The following CNNM4 variants were observed in gnomAD, a reference collection of about 807,000 sequenced individuals.
The protein encoded by CNNM4 is metal transporter CNNM4.
Under a neutral mutation model 53.7 loss-of-function variants are expected in CNNM4, and 32 were observed. The observed-to-expected ratio is 0.60, with a 90% CI of 0.45 to 0.80. The LOEUF (loss-of-function observed/expected upper bound fraction) is 0.80, where lower values mean the gene tolerates loss of function less well. Among genes scored for constraint, CNNM4 ranks in the 30% least tolerant of loss-of-function variants. The pLI is 0.00. For synonymous variants in CNNM4, 410 were observed against 440.0 expected, an observed-to-expected ratio of 0.93 and a Z score of 0.85; for missense variants, 784 against 1,022.0, an observed-to-expected ratio of 0.77 and a Z score of 3.17.
Position 96,799,048 on chromosome 2 carries a change from C to T in CNNM4, c.1682-9C>T, listed in dbSNP as rs752277395. On this transcript the variant is annotated splice_polypyrimidine_tract_variant and intron_variant, in intron 3 of 6. Transcript: ENST00000377075. The stretch of plus-strand genomic sequence containing the variant: ...CCCCGTGTGAGGTCTCTTCTCTCTC[C>T]TCCTACAGAGGTCTCTCAGTTTAGC... 2 of 1,613,748 alleles carry T rather than the reference C, an allele frequency of 1.2e-6. No homozygotes were observed. The highest frequency in any genetic ancestry group is 1.7e-5 in the Admixed American group (1 of 60,008).
chr2:96,786,845 G>A (rs947815823), intron 1 of CNNM4, among the ~76,000 whole-genome samples: 1 of 148,144 alleles, frequency 6.8e-6, no homozygotes, highest in East Asian at 2.0e-4. Flanking sequence ...ATATTTTGGT[G>A]TATTTTCTTC....
In CNNM4 at chr2:96,761,905, C is replaced by T. The variant is rs1205707767; in HGVS notation, c.906C>T (p.Thr302=). The part of the protein sequence containing the change: ...SRHGLAVGAN[T]ILLTKFFMLL... ...ATGGGCTGGCTGTGGGTGCCAACAC[C>T]ATCCTTCTCACCAAATTCTTTATGC... The change falls in exon 1 of 7, where the codon ACC becomes ACT. Residue 302 remains threonine, a synonymous_variant. Coordinates refer to ENST00000377075, the MANE Select transcript of CNNM4 (RefSeq NM_020184.4). The surrounding 1 kb of genome is among the most constrained non-coding windows in gnomAD (Gnocchi z 6.0). The T allele has an allele frequency of 3.1e-6, 5 of 1,614,186 alleles. No homozygotes were observed. The highest frequency in any genetic ancestry group is 4.2e-6 in the Non-Finnish European group (5 of 1,180,038).
Position 96,762,225 on chromosome 2 carries a change from C to T in CNNM4, c.1226C>T (p.Pro409Leu). Reference sequence around the variant, plus strand: ...ATGGAAAGCGGCTATACTCGCATCCCGGTGTTCGAAGACGAGCAGTCCAAT... The same window carrying T: ...ATGGAAAGCGGCTATACTCGCATCCTGGTGTTCGAAGACGAGCAGTCCAAT... ...EIMESGYTRIPVFEDEQSNIV... is the reference protein window; with the variant it reads ...EIMESGYTRILVFEDEQSNIV... The change falls in exon 1 of 7, where the codon CCG (proline) becomes CTG (leucine). Residue 409 changes from proline to leucine, a missense_variant. By Grantham distance (98) the Pro-to-Leu change is moderately conservative. Coordinates refer to ENST00000377075, the MANE Select transcript of CNNM4 (RefSeq NM_020184.4). 1 of 1,614,136 alleles carries T rather than the reference C, an allele frequency of 6.2e-7. No homozygotes were observed. Among genetic ancestry groups the T allele is most frequent in the Non-Finnish European group, 8.5e-7 (1 of 1,180,044 alleles).
intron 1 of CNNM4, among the ~76,000 whole-genome samples, chr2:96,772,320 G>C (rs983608136): frequency 8.2e-6 from 1 of 122,158 alleles, no homozygotes; most frequent in Admixed American, 9.4e-5. Flanking sequence ...ACTCCCACCC[G>C]TGCGCACACA....
chr2:96,779,619 T>G (rs2078956098), intron 1 of CNNM4, among the ~76,000 whole-genome samples: 1 of 152,086 alleles, frequency 6.6e-6, no homozygotes, highest in African/African-American at 2.4e-5. Context: ...ACTCTTAGAT[T>G]TAATTGATCT....
intron 1 of CNNM4, among the ~76,000 whole-genome samples, chr2:96,796,802 C>T (rs565728568): frequency 5.6e-4 from 86 of 152,254 alleles, no homozygotes; most frequent in African/African-American, 2.0e-3. Context: ...TGGTCCTTAA[C>T]GACATGCTTT....
chr2:96,769,249 T>C (rs1484162515), intron 1 of CNNM4, among the ~76,000 whole-genome samples: 1 of 149,438 alleles, frequency 6.7e-6, no homozygotes, highest in African/African-American at 2.5e-5. Context: ...AGACTCCGTC[T>C]CAATAAAAAA....
chr2:96,761,884 G>T lies in CNNM4; in HGVS notation c.885G>T (p.Gly295=). Residue 295 remains glycine (G), a synonymous_variant, in exon 1 of 7, where the codon GGG becomes GGT. Coordinates refer to ENST00000377075, the MANE Select transcript of CNNM4 (RefSeq NM_020184.4). This position sits in a 1 kb window ranked among gnomAD's most constrained non-coding sequence, Gnocchi z 6.0. ...ILPQALCSRH[G]LAVGANTILL... ...CTCAGGCCCTGTGCTCCCGACATGG[G>T]CTGGCTGTGGGTGCCAACACCATCC... is the stretch of plus-strand genomic sequence containing the variant. 6.2e-7 allele frequency: 1 copy of T among 1,614,200 alleles called. No homozygotes were observed. The highest frequency in any genetic ancestry group is 2.2e-5 in the East Asian group (1 of 44,876).
chr2:96,806,781 G>C (rs1196281991), intron 5 of CNNM4, among the ~76,000 whole-genome samples: 5 of 152,044 alleles, frequency 3.3e-5, no homozygotes, highest in African/African-American at 9.7e-5. Context: ...ATGATATACA[G>C]TAACGTATAT....
rs2078958261 is a variant in CNNM4 at position 96,779,842 on chromosome 2, C to T, written c.1403-17170C>T. On this transcript the variant is annotated intron_variant, in intron 1 of 6. Transcript: ENST00000377075. ...TTTTTTAGACGGAGTCTCACTTTGT[C>T]TCCAGGCCGGAGTGCAGTGGTGTGA... Among the ~76,000 whole-genome samples, 3 of 150,692 alleles carry T rather than the reference C, an allele frequency of 2.0e-5. No homozygotes were observed. The South Asian group carries it at 6.3e-4, about 32-fold the overall frequency.
Position 96,797,361 on chromosome 2 carries a change from T to C in CNNM4, c.1547-152T>C. The C allele has an allele frequency of 7.4e-7, 1 of 1,359,176 alleles. No homozygotes were observed. The highest frequency in any genetic ancestry group is 1.0e-6 in the Non-Finnish European group (1 of 964,444). 84.2% of individuals were successfully genotyped at this position (1,359,176 alleles called of 1,614,324 possible). A position where few individuals can be genotyped will look rare whatever the true frequency, so the allele number is the denominator to read the frequency against. On this transcript the variant is annotated intron_variant, in intron 2 of 6. Transcript: ENST00000377075. This position sits in a 1 kb window ranked among gnomAD's most constrained non-coding sequence, Gnocchi z 6.0. The stretch of plus-strand genomic sequence containing the variant: ...AGGCTGCCTTCACCCTCGGCCTTTG[T>C]GCCTCGGCGTCAGCCCAGGACCCTG...
chr2:96,806,395 A>G (rs1156548530), intron 5 of CNNM4, among the ~76,000 whole-genome samples: 1 of 151,174 alleles, frequency 6.6e-6, no homozygotes, highest in Non-Finnish European at 1.5e-5. Context: ...ATTAATGATT[A>G]TCCTCAGTTC....
intron 1 of CNNM4, among the ~76,000 whole-genome samples, chr2:96,768,108 A>AT (rs2078834695): frequency 6.6e-6 from 1 of 152,086 alleles, no homozygotes; most frequent in South Asian, 2.1e-4. Flanking sequence ...AAACACCCAT[A>AT]TTTTCATCTA....
At chr2:96,781,853 C>A (rs1039328592) in intron 1 of CNNM4, among the ~76,000 whole-genome samples, 1 of 152,118 alleles carries the variant, frequency 6.6e-6, no homozygotes, top group Non-Finnish European at 1.5e-5. Context: ...CAAAGTTGAT[C>A]ATTTTGTATG....
intron 1 of CNNM4, among the ~76,000 whole-genome samples, chr2:96,778,862 C>G (rs1406409615): frequency 6.6e-6 from 1 of 152,118 alleles, no homozygotes; most frequent in African/African-American, 2.4e-5. Context: ...TGACAAAAAC[C>G]ATATATATTT....
chr2:96,765,169 C>A (rs1331796750), intron 1 of CNNM4, among the ~76,000 whole-genome samples: 1 of 148,674 alleles, frequency 6.7e-6, no homozygotes, highest in South Asian at 2.2e-4. Context: ...TCTTGTTGTC[C>A]AGGCTGGAGT....
chr2:96,787,931 G>T (rs2079028817), intron 1 of CNNM4, among the ~76,000 whole-genome samples: 1 of 152,140 alleles, frequency 6.6e-6, no homozygotes. Context: ...TGTTTTGTTT[G>T]CTTGTTTTTG....
Position 96,801,787 on chromosome 2 carries a change from C to T in CNNM4, c.1948+2139C>T, listed in dbSNP as rs1430871281. 6.6e-6 allele frequency among the ~76,000 whole-genome samples: 1 copy of T among 151,464 alleles called. No homozygotes were observed. The highest frequency in any genetic ancestry group is 1.9e-4 in the East Asian group (1 of 5,152). ...CACACACAGACAGAGATACTACAGA[C>T]ACCCATAGACAGAGATATCACACAC... On this transcript the variant is annotated intron_variant, in intron 5 of 6. Transcript: ENST00000377075. The surrounding 1 kb of genome is among the most constrained non-coding windows in gnomAD (Gnocchi z 5.6).
At chr2:96,798,019 T>A (rs2079120295) in intron 3 of CNNM4, among the ~76,000 whole-genome samples, 1 of 151,780 alleles carries the variant, frequency 6.6e-6, no homozygotes, top group South Asian at 2.1e-4. Flanking sequence ...CGAGACCCCA[T>A]CTCTACAAAA....
Sources: gnomAD v4.1 joint callset for allele counts (sites outside exome capture counted in the v4.1 genomes callset) on GRCh38, gnomAD v4.1.1 for gene constraint, Gnocchi (gnomAD v3.1) non-coding constraint, MANE v1.5 for transcripts, NCBI Gene and HGNC (gene_info 2026-07-23, HGNC 2026-07-21) for gene names.